The following CNTNAP3 variants were observed in gnomAD, a reference collection of about 807,000 sequenced individuals.
The protein encoded by CNTNAP3 is contactin associated protein family member 3.
A neutral mutation model predicts 92.1 loss-of-function variants in CNTNAP3; 36 were observed. That is an observed-to-expected ratio of 0.39 (90% confidence interval 0.30 to 0.52). The LOEUF is 0.52. CNTNAP3 is among the 20% of genes least tolerant of loss of function. The pLI, the probability that CNTNAP3 is intolerant of heterozygous loss-of-function variation, is 0.76. For missense variants in CNTNAP3, 534 were observed against 1,069.6 expected (o/e 0.50, Z 6.98); for synonymous variants, 232 against 422.3 (o/e 0.55, Z 5.53).
In CNTNAP3 at chr9:39,154,747, G is replaced by T. The variant is rs4062752; in HGVS notation, c.1478-4770C>A. 7.0e-4 allele frequency: 93 copies of T among 133,142 alleles called. 1 individual carries two copies. Among genetic ancestry groups the T allele is most frequent in the East Asian group, 6.2e-3 (27 of 4,382 alleles). The allele number at this position is 133,142 out of a possible 1,614,324, so 8.2% of individuals were successfully genotyped here. A position where few individuals can be genotyped will look rare whatever the true frequency, so the allele number is the denominator to read the frequency against. On this transcript the variant is annotated intron_variant, in intron 9 of 23. Transcript: ENST00000297668. Reference sequence around the variant, plus strand: ...AGGACAGACTGAGATCTCCAAACCGGCCTAGCAGCTCCTTCCTCGCTAACG... The same window carrying T: ...AGGACAGACTGAGATCTCCAAACCGTCCTAGCAGCTCCTTCCTCGCTAACG...
At chr9:39,075,501 A>G (rs1223088047) in intron 23 of CNTNAP3, among the ~76,000 whole-genome samples, 1 of 152,226 alleles carries the variant, frequency 6.6e-6, no homozygotes, top group Non-Finnish European at 1.5e-5. Flanking sequence ...TTTTTGACAA[A>G]TATTTTGAAG....
At chr9:39,159,577 C>T (rs1222609857) in intron 9 of CNTNAP3, 5 of 139,168 alleles carry the variant, frequency 3.6e-5, no homozygotes, top group East Asian at 2.1e-4. Flanking sequence ...GGTGATCCGC[C>T]GGCCTCAGCC....
chr9:39,168,252 C>T (rs374397053), intron 8 of CNTNAP3, among the ~76,000 whole-genome samples: 9 of 149,962 alleles, frequency 6.0e-5, no homozygotes, highest in African/African-American at 2.2e-4. Flanking sequence ...CTCCTGACCT[C>T]GTGATCTGCA....
chr9:39,100,913 C>T (rs1674703243), intron 17 of CNTNAP3, among the ~76,000 whole-genome samples: 1 of 150,390 alleles, frequency 6.6e-6, no homozygotes, highest in Non-Finnish European at 1.5e-5. Context: ...TTTTTAGCCT[C>T]CTCCCAGAGA....
intron 10 of CNTNAP3, 125 bp from the exon 11 acceptor site, chr9:39,144,471 C>T: frequency 7.1e-7 from 1 of 1,415,208 alleles, no homozygotes. Context: ...GATAACCCCA[C>T]ATGACGTGAT....
At chr9:39,117,312 G>C (rs543487571) in intron 14 of CNTNAP3, among the ~76,000 whole-genome samples, 15 of 151,908 alleles carry the variant, frequency 9.9e-5, no homozygotes, top group African/African-American at 3.1e-4. Flanking sequence ...TTTAAAGCAC[G>C]TACTCTACAT....
At chr9:39,084,359 AT>A (rs916490335) in intron 21 of CNTNAP3, among the ~76,000 whole-genome samples, 62 of 150,864 alleles carry the variant, frequency 4.1e-4, no homozygotes, top group African/African-American at 1.3e-3. Context: ...TGCCCGGCTA[AT>A]TTTTTTTGTA....
intron 18 of CNTNAP3, among the ~76,000 whole-genome samples, chr9:39,093,762 T>A (rs1157852288): frequency 6.6e-6 from 1 of 151,616 alleles, no homozygotes; most frequent in Non-Finnish European, 1.5e-5. Context: ...TTTAATCAAT[T>A]CATGTGTTGA....
At chr9:39,081,976 A>G (rs571406116) in intron 21 of CNTNAP3, among the ~76,000 whole-genome samples, 1 of 151,848 alleles carries the variant, frequency 6.6e-6, no homozygotes, top group East Asian at 1.9e-4. Context: ...AGTCTCAGCT[A>G]CTTGGGAGGC....
In CNTNAP3 at chr9:39,119,615, A is replaced by C. The variant is rs551125382; in HGVS notation, c.2081-1356T>G. Among the ~76,000 whole-genome samples the C allele has an allele frequency of 2.4e-4, 36 of 152,292 alleles. No individual in the cohort carries two copies. In the South Asian group the frequency reaches 7.3e-3, roughly 31 times the overall value. ...CTCCCATATTCCCCATAAAGTAGTA[A>C]AAATGTATTTTTTTTAGAAACAGTA... On this transcript the variant is annotated intron_variant, in intron 13 of 23. Coordinates refer to ENST00000297668, the MANE Select transcript of CNTNAP3 (RefSeq NM_033655.5).
intron 15 of CNTNAP3, among the ~76,000 whole-genome samples, chr9:39,106,210 GA>G (rs1013217733): frequency 6.6e-6 from 1 of 152,146 alleles, no homozygotes; most frequent in African/African-American, 2.4e-5. Flanking sequence ...TGAAGATAAG[GA>G]AAGGAAAAGA....
chr9:39,085,826 A>G lies in CNTNAP3; in HGVS notation c.3355-3T>C, dbSNP rs1587698898. The G allele has an allele frequency of 6.4e-7, 1 of 1,554,654 alleles. No individual in the cohort carries two copies. The highest frequency in any genetic ancestry group is 8.8e-7 in the Non-Finnish European group (1 of 1,134,766). On this transcript the variant is annotated splice_region_variant and splice_polypyrimidine_tract_variant and intron_variant, in intron 20 of 23. Transcript: ENST00000297668. ...TGTTTCTTTGTGCTCTGGTTAACCTATTAGATGTCCCATGAGAAGCAAACA... is the reference window on the plus strand; with the variant it reads ...TGTTTCTTTGTGCTCTGGTTAACCTGTTAGATGTCCCATGAGAAGCAAACA...
At chr9:39,142,247 T>C (rs1821593796) in intron 11 of CNTNAP3, among the ~76,000 whole-genome samples, 1 of 152,208 alleles carries the variant, frequency 6.6e-6, no homozygotes, top group African/African-American at 2.4e-5. Context: ...ATTAGGCTTC[T>C]GCTTTTAGGT....
intron 9 of CNTNAP3, among the ~76,000 whole-genome samples, chr9:39,152,670 T>G (rs556689529): frequency 7.6e-5 from 11 of 144,084 alleles, no homozygotes; most frequent in Admixed American, 3.4e-4. Flanking sequence ...ATCTTTTTTT[T>G]TTGAGACCTG....
chr9:39,138,444 T>C (rs143379246), intron 12 of CNTNAP3, among the ~76,000 whole-genome samples: 3 of 152,152 alleles, frequency 2.0e-5, no homozygotes, highest in Non-Finnish European at 4.4e-5. Flanking sequence ...GGTTAGGCTC[T>C]GAAAACAAAA....
chr9:39,118,508 C>T (rs1820916683), intron 13 of CNTNAP3, among the ~76,000 whole-genome samples: 1 of 152,058 alleles, frequency 6.6e-6, no homozygotes. Context: ...AGAAATCAGT[C>T]AGTTGCATGT....
At chr9:39,082,445 T>C (rs1587696754) in intron 21 of CNTNAP3, among the ~76,000 whole-genome samples, 1 of 148,774 alleles carries the variant, frequency 6.7e-6, no homozygotes, top group East Asian at 2.0e-4. Flanking sequence ...ATTGATATAA[T>C]CATTGCTCTT....
At chr9:39,074,759 T>G (rs1313840806) in intron 23 of CNTNAP3, among the ~76,000 whole-genome samples, 3 of 152,218 alleles carry the variant, frequency 2.0e-5, no homozygotes, top group Non-Finnish European at 4.4e-5. Flanking sequence ...CAAATACTTT[T>G]ATGATAATAC....
At chr9:39,111,087 C>T (rs930957840) in intron 14 of CNTNAP3, among the ~76,000 whole-genome samples, 2 of 152,056 alleles carry the variant, frequency 1.3e-5, no homozygotes, top group African/African-American at 4.8e-5. Context: ...ACTGGGGGCA[C>T]ATGTGCTATT....
Sources: gnomAD v4.1 joint callset for allele counts (sites outside exome capture counted in the v4.1 genomes callset) on GRCh38, gnomAD v4.1.1 for gene constraint, MANE v1.5 for transcripts, NCBI Gene and HGNC (gene_info 2026-07-23, HGNC 2026-07-21) for gene names.